The following COBL variants were observed in gnomAD, a reference collection of about 807,000 sequenced individuals.
COBL encodes cordon-bleu WH2 repeat protein.
COBL carries 51 observed loss-of-function variants against 98.8 expected under a neutral mutation model. The ratio of observed to expected loss-of-function variants is 0.52; its 90% CI spans 0.41 to 0.65. The LOEUF is 0.65. Among genes scored for constraint, COBL ranks in the 30% least tolerant of loss-of-function variants. The probability of loss-of-function intolerance (pLI) is 0.00; values close to 1 mark genes in which losing one functional copy is unlikely to be tolerated. For synonymous variants in COBL, 634 were observed against 651.7 expected, an observed-to-expected ratio of 0.97 and a Z score of 0.41; for missense variants, 1,617 against 1,617.5, an observed-to-expected ratio of 1.00 and a Z score of 0.01.
intron 6 of COBL, among the ~76,000 whole-genome samples, chr7:51,086,348 C>A (rs961867754): frequency 9.2e-6 from 1 of 108,630 alleles, no homozygotes; most frequent in Non-Finnish European, 1.7e-5. Flanking sequence ...TGTAGCAAGA[C>A]TGTGTCTCAG....
At chr7:51,273,523 G>A (rs917429) in intron 1 of COBL, among the ~76,000 whole-genome samples, 148,035 of 152,256 alleles carry the variant, frequency 0.97, 71,993 homozygotes, top group East Asian at 1. Flanking sequence ...TCCTAAGGAA[G>A]TCATCATTGA....
chr7:51,102,435 T>C (rs1349088103), intron 6 of COBL, among the ~76,000 whole-genome samples: 1 of 152,160 alleles, frequency 6.6e-6, no homozygotes, highest in Non-Finnish European at 1.5e-5. Context: ...AGATAAGAAC[T>C]CTCACCACCA....
At chr7:51,282,592 C>T (rs989872753) in intron 1 of COBL, among the ~76,000 whole-genome samples, 6 of 151,960 alleles carry the variant, frequency 3.9e-5, no homozygotes, top group South Asian at 2.1e-4. Flanking sequence ...ATAGATAAAA[C>T]CACAATTAAC....
chr7:51,212,587 C>G (rs915395409), intron 2 of COBL, among the ~76,000 whole-genome samples: 1 of 152,216 alleles, frequency 6.6e-6, no homozygotes, highest in Non-Finnish European at 1.5e-5. Flanking sequence ...ATGAGGCTGC[C>G]AAGGGCCGTT....
intron 11 of COBL, 23 bp downstream of exon 11, chr7:51,026,523 A>G (rs1432071759): frequency 6.2e-7 from 1 of 1,610,012 alleles, no homozygotes; most frequent in South Asian, 1.1e-5. Context: ...TCCTGGCGCC[A>G]TGGAAGGCCC....
At chr7:51,065,500 C>T (rs913661959) in intron 7 of COBL, 1 of 663,320 alleles carries the variant, frequency 1.5e-6, no homozygotes, top group South Asian at 1.7e-5. Context: ...CGAATGCACG[C>T]AGGAATGGTG....
chr7:51,083,178 G>T (rs1000451410), intron 7 of COBL: 6 of 1,489,022 alleles, frequency 4.0e-6, no homozygotes, highest in Non-Finnish European at 5.3e-6. Flanking sequence ...AACTGGGGTG[G>T]ACCCCGAGCA....
At chr7:51,138,807 T>A (rs897848500) in intron 5 of COBL, among the ~76,000 whole-genome samples, 4 of 152,196 alleles carry the variant, frequency 2.6e-5, no homozygotes, top group African/African-American at 7.2e-5. Flanking sequence ...CCATCTGACG[T>A]CCCAGAAACA....
chr7:51,111,005 C>A (rs1274428760), intron 6 of COBL, among the ~76,000 whole-genome samples: 1 of 152,192 alleles, frequency 6.6e-6, no homozygotes, highest in Non-Finnish European at 1.5e-5. Context: ...CATGCGTGTG[C>A]AAGTATCTTT....
At chr7:51,290,549 A>AG (rs1380785685) in intron 1 of COBL, among the ~76,000 whole-genome samples, 2 of 152,166 alleles carry the variant, frequency 1.3e-5, no homozygotes, top group Non-Finnish European at 2.9e-5. Flanking sequence ...ATCAGAACAA[A>AG]GGGTGCGTGA....
intron 1 of COBL, among the ~76,000 whole-genome samples, chr7:51,245,039 G>A (rs190708354): frequency 1.3e-5 from 2 of 152,052 alleles, no homozygotes; most frequent in African/African-American, 4.8e-5. Context: ...AAGAGGAAAC[G>A]CCTCCAAAGA....
At chr7:51,038,014 G>T (rs960698005) in intron 8 of COBL, among the ~76,000 whole-genome samples, 1 of 152,066 alleles carries the variant, frequency 6.6e-6, no homozygotes, top group African/African-American at 2.4e-5. Flanking sequence ...AGCACGCCTG[G>T]CTATTTTTTG....
At chr7:51,228,710 T>C (rs1794440359) in intron 1 of COBL, among the ~76,000 whole-genome samples, 1 of 151,992 alleles carries the variant, frequency 6.6e-6, no homozygotes, top group Non-Finnish European at 1.5e-5. Flanking sequence ...ATCAAGTAAA[T>C]ATTCAAAGAG....
intron 2 of COBL, among the ~76,000 whole-genome samples, chr7:51,203,399 T>A (rs1481544681): frequency 1.1e-4 from 13 of 115,618 alleles, no homozygotes; most frequent in African/African-American, 5.3e-4. Context: ...GAGGCGGAGC[T>A]TGCAGTGAGC....
chr7:51,271,076 G>A (rs1054067039), intron 1 of COBL, among the ~76,000 whole-genome samples: 8 of 152,194 alleles, frequency 5.3e-5, no homozygotes, highest in Non-Finnish European at 1.0e-4. Context: ...GCTTGGGACA[G>A]GCCGCCAGGC....
intron 2 of COBL, among the ~76,000 whole-genome samples, chr7:51,202,525 C>A (rs1791230258): frequency 6.6e-6 from 1 of 152,118 alleles, no homozygotes; most frequent in Non-Finnish European, 1.5e-5. Flanking sequence ...CAAGCATCCA[C>A]CAGAGGTTTT....
At chr7:51,180,418 C>T (rs1204249264) in intron 5 of COBL, among the ~76,000 whole-genome samples, 1 of 152,194 alleles carries the variant, frequency 6.6e-6, no homozygotes, top group Non-Finnish European at 1.5e-5. Flanking sequence ...ATTACCGGCA[C>T]AGTTAGATGG....
intron 1 of COBL, among the ~76,000 whole-genome samples, chr7:51,276,034 T>A (rs1451892635): frequency 6.6e-6 from 1 of 152,144 alleles, no homozygotes; most frequent in Non-Finnish European, 1.5e-5. Context: ...ATGATAAACA[T>A]TGGGGGAAGA....
chr7:51,123,420 C>A (rs541210587), intron 6 of COBL, among the ~76,000 whole-genome samples: 4 of 152,168 alleles, frequency 2.6e-5, no homozygotes, highest in Non-Finnish European at 5.9e-5. Flanking sequence ...TATCCCTTGT[C>A]GCTAACTTGC....
Sources: allele counts gnomAD v4.1 joint callset (sites outside exome capture counted in the v4.1 genomes callset), GRCh38; gene constraint gnomAD v4.1.1; transcripts MANE v1.5; gene names NCBI Gene and HGNC (gene_info 2026-07-23, HGNC 2026-07-21).